The following HSPD1 variants were observed in gnomAD, a reference collection of about 807,000 sequenced individuals.
The protein encoded by HSPD1 is heat shock protein family D (Hsp60) member 1.
HSPD1 carries 3 observed loss-of-function variants against 53.0 expected under a neutral mutation model. The observed-to-expected ratio is 0.06, with a 90% CI of 0.03 to 0.15. The LOEUF (loss-of-function observed/expected upper bound fraction) is 0.15, where lower values mean the gene tolerates loss of function less well. Ranked by LOEUF, HSPD1 falls within the 10% of genes least tolerant of loss-of-function variation. HSPD1 has a pLI of 1.00. For synonymous variants in HSPD1, 200 were observed against 228.0 expected, an observed-to-expected ratio of 0.88 and a Z score of 1.10; for missense variants, 431 against 694.1, an observed-to-expected ratio of 0.62 and a Z score of 4.26.
intron 10 of HSPD1, 134 bp downstream of exon 10, chr2:197,488,183 G>C: frequency 1.0e-6 from 1 of 998,536 alleles, no homozygotes; most frequent in Non-Finnish European, 1.6e-6. Flanking sequence ...TGCATGTTTA[G>C]CTCTGACATT....
upstream of HSPD1, chr2:197,500,136 G>C (rs972672400): frequency 2.0e-6 from 1 of 494,564 alleles, no homozygotes; most frequent in African/African-American, 2.0e-5. Context: ...TTTCCGGGAG[G>C]GGACGAAGGG....
Position 197,493,371 on chromosome 2 carries a change from G to A in HSPD1, c.822C>T (p.Ile274=), listed in dbSNP as rs373411169. 6.8e-6 allele frequency: 11 copies of A among 1,613,624 alleles called. No individual in the cohort carries two copies. The highest frequency in any genetic ancestry group is 4.4e-5 in the South Asian group (4 of 91,074). Reference sequence around the variant, plus strand: ...GAGCTTCTCCATCAACATCTTCAGCGATTATGACCAAAGGCTTACGGTGAG... The same window carrying A: ...GAGCTTCTCCATCAACATCTTCAGCAATTATGACCAAAGGCTTACGGTGAG... The part of the protein sequence containing the change: ...ANAHRKPLVI[I]AEDVDGEALS... Residue 274 remains isoleucine, a synonymous_variant, in exon 7 of 12, where the codon ATC becomes ATT. Transcript: ENST00000388968.
At chr2:197,491,350 C>T (rs553702685) in intron 7 of HSPD1, among the ~76,000 whole-genome samples, 18 of 151,948 alleles carry the variant, frequency 1.2e-4, no homozygotes, top group Middle Eastern at 6.8e-3. Context: ...TTAGTAGAGA[C>T]GGGGTTTCAC....
At chr2:197,497,682 CAA>C (rs1333878378) in intron 2 of HSPD1, among the ~76,000 whole-genome samples, 2 of 152,214 alleles carry the variant, frequency 1.3e-5, no homozygotes, top group Non-Finnish European at 2.9e-5. Flanking sequence ...GAACACAAGA[CAA>C]AGAATAAAAC....
intron 8 of HSPD1, among the ~76,000 whole-genome samples, chr2:197,489,725 T>G (rs1043036298): frequency 6.6e-6 from 1 of 152,014 alleles, no homozygotes; most frequent in Non-Finnish European, 1.5e-5. Context: ...GGCATGGTAC[T>G]GCACCTGTAG....
intron 3 of HSPD1, among the ~76,000 whole-genome samples, chr2:197,496,277 T>C (rs951541178): frequency 6.6e-6 from 1 of 152,202 alleles, no homozygotes; most frequent in Non-Finnish European, 1.5e-5. Context: ...CAATGCAAGG[T>C]GCTGGTAAGT....
chr2:197,487,824 CAAAA>C, intron 11 of HSPD1, 30 bp downstream of exon 11: 1 of 1,582,512 alleles, frequency 6.3e-7, no homozygotes, highest in Non-Finnish European at 8.7e-7. Context: ...AAATGAACAA[CAAAA>C]GAATTTTTAG....
chr2:197,493,726 A>C (rs2086121750), intron 6 of HSPD1, among the ~76,000 whole-genome samples: 2 of 152,242 alleles, frequency 1.3e-5, no homozygotes, highest in Non-Finnish European at 2.9e-5. Context: ...AAACTTCAGG[A>C]GGCCAAAGCA....
Position 197,490,280 on chromosome 2 carries a change from G to C in HSPD1, c.886C>G (p.Gln296Glu), listed in dbSNP as rs2086074526. Reference protein sequence around the residue: ...LVLNRLKVGLQVVAVKAPGFG... With the variant: ...LVLNRLKVGLEVVAVKAPGFG... ...CCTGGAGCCTTGACTGCCACAACCT[G>C]AAGACCAACCTTTAGCCTGTTAAGA... The change falls in exon 8 of 12, where the codon CAG becomes GAG. Residue 296 changes from glutamine to glutamate, a missense_variant. By Grantham distance (29) the Gln-to-Glu change is conservative (BLOSUM62 2). Coordinates refer to ENST00000388968, the MANE Select transcript of HSPD1 (RefSeq NM_002156.5). The C allele has an allele frequency of 1.2e-6, 2 of 1,613,420 alleles. No homozygotes were observed. The highest frequency in any genetic ancestry group is 1.7e-6 in the Non-Finnish European group (2 of 1,179,572).
intron 3 of HSPD1, 116 bp downstream of exon 3, chr2:197,497,024 G>A (rs2086166554): frequency 8.6e-6 from 9 of 1,051,464 alleles, no homozygotes; most frequent in Non-Finnish European, 1.3e-5. Flanking sequence ...CAGGCCAAGA[G>A]GAGGAATGAG....
Position 197,498,823 on chromosome 2 carries a change from C to G in HSPD1, c.26G>C (p.Arg9Pro). The G allele has an allele frequency of 2.5e-6, 4 of 1,614,124 alleles. No homozygotes were observed. Among genetic ancestry groups the G allele is most frequent in the Non-Finnish European group, 3.4e-6 (4 of 1,180,028 alleles). MLRLPTVF[R>P]QMRPVSRVLA... ...TACCCTGGACACCGGTCTCATCTGG[C>G]GAAAGACTGTGGGTAACCGAAGCAT... Residue 9 changes from arginine to proline, a missense_variant, in exon 2 of 12, where the codon CGC (arginine) becomes CCC (proline). Arg to Pro is a moderately radical substitution (Grantham distance 103). Transcript: ENST00000388968.
upstream of HSPD1, chr2:197,500,116 A>G (rs1165959496): frequency 1.3e-5 from 6 of 457,764 alleles, no homozygotes; most frequent in Non-Finnish European, 2.4e-5. Context: ...TCAAGGGTCA[A>G]ATCGCGTCAT....
chr2:197,495,430 T>C lies in HSPD1; in HGVS notation c.428-54A>G, dbSNP rs562349685. The stretch of plus-strand genomic sequence containing the variant: ...GTTTATTTCTCTCATGGCTTCTATG[T>C]CAAGTAGAAATCTTGAGATTTGTGA... On this transcript the variant is annotated intron_variant, in intron 3 of 11. Transcript: ENST00000388968. 3.4e-6 allele frequency: 4 copies of C among 1,164,640 alleles called. No individual in the cohort carries two copies. The African/African-American group carries it at 4.5e-5, about 13-fold the overall frequency. The allele number at this position is 1,164,640 out of a possible 1,614,324, so 72.1% of individuals were successfully genotyped here.
intron 8 of HSPD1, 82 bp from the exon 9 acceptor site, chr2:197,489,329 GA>G (rs1354851387): frequency 2.9e-6 from 4 of 1,359,536 alleles, no homozygotes; most frequent in Non-Finnish European, 4.2e-6. Context: ...CCATGCAAGA[GA>G]ATCATCAAAA....
In HSPD1 at chr2:197,488,999, T is replaced by C. The variant is rs2086059570; in HGVS notation, c.1215+3A>G. Reference sequence around the variant, plus strand: ...GAAACTTATTCATAATAATGAATGTTACCTTCAGCACAGCCACTCCATCTG... The same window carrying C: ...GAAACTTATTCATAATAATGAATGTCACCTTCAGCACAGCCACTCCATCTG... On this transcript the variant is annotated splice_donor_region_variant and intron_variant, in intron 9 of 11. Transcript: ENST00000388968. The C allele has an allele frequency of 5.0e-6, 8 of 1,614,012 alleles. No individual in the cohort carries two copies. The East Asian group carries it at 1.8e-4, about 36-fold the overall frequency.
intron 2 of HSPD1, among the ~76,000 whole-genome samples, chr2:197,497,937 T>C (rs79451133): frequency 5.9e-5 from 9 of 152,334 alleles, no homozygotes; most frequent in African/African-American, 2.2e-4. Flanking sequence ...GTTGGATCAC[T>C]TGATATCTGA....
chr2:197,487,933 G>A lies in HSPD1; in HGVS notation c.1494C>T (p.Ser498=). 2.5e-6 allele frequency: 4 copies of A among 1,613,586 alleles called. No individual in the cohort carries two copies. Among genetic ancestry groups the A allele is most frequent in the Non-Finnish European group, 3.4e-6 (4 of 1,179,566 alleles). The change falls in exon 11 of 12, where the codon TCC becomes TCT. Residue 498 remains serine (S), a synonymous_variant. Coordinates refer to ENST00000388968, the MANE Select transcript of HSPD1 (RefSeq NM_002156.5). ...CCATAGCATCATAACCAACTTCTGAGGAACTTTGCATAATTTTCTCAACTA... is the reference window on the plus strand; with the variant it reads ...CCATAGCATCATAACCAACTTCTGAAGAACTTTGCATAATTTTCTCAACTA... ...SLIVEKIMQS[S]SEVGYDAMAG...
rs1366309178 is a variant in HSPD1 at position 197,487,847 on chromosome 2, C to G, written c.1569+11G>C. On this transcript the variant is annotated intron_variant, in intron 11 of 11. Coordinates refer to ENST00000388968, the MANE Select transcript of HSPD1 (RefSeq NM_002156.5). ...AACAAAAGAATTTTTAGAAAGTGTTCAACCATTTACCTTTGTTGGGTCAAT... is the reference window on the plus strand; with the variant it reads ...AACAAAAGAATTTTTAGAAAGTGTTGAACCATTTACCTTTGTTGGGTCAAT... The G allele has an allele frequency of 3.1e-6, 5 of 1,607,834 alleles. No individual in the cohort carries two copies. Among genetic ancestry groups the G allele is most frequent in the African/African-American group, 1.3e-5 (1 of 74,798 alleles).
chr2:197,493,597 G>C, intron 6 of HSPD1, 105 bp from the exon 7 acceptor site: 1 of 833,854 alleles, frequency 1.2e-6, no homozygotes, highest in Non-Finnish European at 2.0e-6. Flanking sequence ...TCACCAGTGA[G>C]TTGGTTTTCC....
Sources: gnomAD v4.1 joint callset for allele counts (sites outside exome capture counted in the v4.1 genomes callset) on GRCh38, gnomAD v4.1.1 for gene constraint, MANE v1.5 for transcripts, NCBI Gene and HGNC (gene_info 2026-07-23, HGNC 2026-07-21) for gene names.